The following ABCC4 variants were observed in gnomAD, a reference collection of about 807,000 sequenced individuals.
The protein encoded by ABCC4 is ATP-binding cassette sub-family C member 4.
In ABCC4, 102 loss-of-function variants were observed where a neutral mutation model predicts 168.5. That is an observed-to-expected ratio of 0.61 (90% confidence interval 0.52 to 0.71). The LOEUF is 0.71. Among genes scored for constraint, ABCC4 ranks in the 30% least tolerant of loss-of-function variants. ABCC4 has a pLI of 0.00. For missense variants in ABCC4, 1,402 were observed against 1,605.8 expected, an observed-to-expected ratio of 0.87 and a Z score of 2.17; for synonymous variants, 617 against 590.7, an observed-to-expected ratio of 1.04 and a Z score of -0.65.
intron 22 of ABCC4, chr13:95,075,025 T>C (rs529812445): frequency 2.1e-4 from 35 of 164,362 alleles, no homozygotes; most frequent in Middle Eastern, 3.3e-3. Flanking sequence ...TAAAGTTTTA[T>C]TGAAACATAG....
At chr13:95,211,375 G>A (rs2038952204) in intron 4 of ABCC4, among the ~76,000 whole-genome samples, 1 of 152,164 alleles carries the variant, frequency 6.6e-6, no homozygotes, top group Non-Finnish European at 1.5e-5. Flanking sequence ...TGATTCAACT[G>A]TGACCTGCAC....
intron 20 of ABCC4, among the ~76,000 whole-genome samples, chr13:95,108,998 A>G (rs893707474): frequency 2.0e-5 from 3 of 152,156 alleles, no homozygotes; most frequent in African/African-American, 7.2e-5. Context: ...TGAACACACT[A>G]GACCTATACT....
At chr13:95,192,424 C>T (rs747324546) in intron 9 of ABCC4, among the ~76,000 whole-genome samples, 3 of 152,176 alleles carry the variant, frequency 2.0e-5, no homozygotes, top group Non-Finnish European at 4.4e-5. Flanking sequence ...GTTTACAATG[C>T]AGCTGTCAAT....
At chr13:95,030,937 A>G (rs1358468157) in intron 30 of ABCC4, among the ~76,000 whole-genome samples, 1 of 152,252 alleles carries the variant, frequency 6.6e-6, no homozygotes, top group Non-Finnish European at 1.5e-5. Context: ...AGAGAGACTC[A>G]GCTTTGCCTG....
At chr13:95,058,581 A>AG in intron 26 of ABCC4, among the ~76,000 whole-genome samples, 4 of 58,410 alleles carry the variant, frequency 6.8e-5, no homozygotes, top group African/African-American at 1.7e-4. Flanking sequence ...AAAAAAAAAA[A>AG]AAAAAAAAAA....
At chr13:95,030,779 G>A (rs2031845175) in intron 30 of ABCC4, among the ~76,000 whole-genome samples, 1 of 152,186 alleles carries the variant, frequency 6.6e-6, no homozygotes, top group Non-Finnish European at 1.5e-5. Context: ...ATCTGCTGTG[G>A]GTTAAGCCAG....
intron 25 of ABCC4, among the ~76,000 whole-genome samples, chr13:95,065,327 C>T (rs879331108): frequency 9.2e-5 from 14 of 152,216 alleles, no homozygotes; most frequent in Admixed American, 2.0e-4. Context: ...CAAGTGAATT[C>T]GAAAAATAAA....
intron 19 of ABCC4, among the ~76,000 whole-genome samples, chr13:95,136,850 C>T (rs2036157875): frequency 6.6e-6 from 1 of 152,254 alleles, no homozygotes; most frequent in South Asian, 2.1e-4. Flanking sequence ...CCCAGGCGCA[C>T]ACGGCTCGCC....
intron 1 of ABCC4, among the ~76,000 whole-genome samples, chr13:95,291,721 T>C (rs2041409709): frequency 6.6e-6 from 1 of 152,110 alleles, no homozygotes; most frequent in Admixed American, 6.6e-5. Flanking sequence ...GTATCACTGA[T>C]GATGCCCAAA....
intron 30 of ABCC4, among the ~76,000 whole-genome samples, chr13:95,033,723 C>T (rs1269951620): frequency 6.7e-6 from 1 of 148,628 alleles, no homozygotes; most frequent in African/African-American, 2.5e-5. Flanking sequence ...AGTGCAGTGG[C>T]GTGATCTTGG....
chr13:95,265,988 G>A (rs1442471784), intron 1 of ABCC4: 1 of 152,170 alleles, frequency 6.6e-6, no homozygotes, highest in Admixed American at 6.6e-5. Context: ...GTGTGTGCCA[G>A]GCACTGGTTC....
At chr13:95,252,156 G>A (rs1440200819) in intron 1 of ABCC4, among the ~76,000 whole-genome samples, 1 of 152,076 alleles carries the variant, frequency 6.6e-6, no homozygotes, top group East Asian at 1.9e-4. Context: ...ATTTGGATAT[G>A]CCAAGGAGAA....
chr13:95,235,109 C>G (rs1282628668), intron 3 of ABCC4, among the ~76,000 whole-genome samples: 1 of 151,516 alleles, frequency 6.6e-6, no homozygotes, highest in Non-Finnish European at 1.5e-5. Context: ...CAGGCTGGTC[C>G]CGAACTCCTA....
At chr13:95,254,511 T>A (rs968930191) in intron 1 of ABCC4, among the ~76,000 whole-genome samples, 2 of 152,084 alleles carry the variant, frequency 1.3e-5, no homozygotes, top group African/African-American at 2.4e-5. Context: ...CACCTTTTCA[T>A]CCCACAAAAA....
chr13:95,080,233 G>T (rs2034044544), intron 21 of ABCC4, among the ~76,000 whole-genome samples: 1 of 152,162 alleles, frequency 6.6e-6, no homozygotes, highest in Admixed American at 6.5e-5. Context: ...ACAGAAATTG[G>T]ATACGGCTTC....
intron 17 of ABCC4, 91 bp downstream of exon 17, chr13:95,163,519 G>A: frequency 8.4e-7 from 1 of 1,196,758 alleles, no homozygotes; most frequent in Non-Finnish European, 1.2e-6. Flanking sequence ...AGAAGAGAAG[G>A]ATCAACAAAC....
chr13:95,151,578 G>A lies in ABCC4; in HGVS notation c.2455+9611C>T, dbSNP rs149948567. On this transcript the variant is annotated intron_variant, in intron 19 of 30. Transcript: ENST00000645237. ...GGAGGAGGAGAAGGAGAAGAAGGAG[G>A]AGGAGAAGGAGAAGAAGGAGGAGGA... 7.7e-3 allele frequency among the ~76,000 whole-genome samples: 1,133 copies of A among 146,372 alleles called. 25 individuals carry two copies. The highest frequency in any genetic ancestry group is 0.027 in the African/African-American group (1,040 of 38,800).
chr13:95,282,254 A>C (rs1185127656), intron 1 of ABCC4, among the ~76,000 whole-genome samples: 4 of 152,182 alleles, frequency 2.6e-5, no homozygotes, highest in Non-Finnish European at 5.9e-5. Context: ...TATGGGTGAT[A>C]AAGGAGCAGG....
In ABCC4 at chr13:95,130,509, G is replaced by A. The variant is rs182822829; in HGVS notation, c.2456-14508C>T. On this transcript the variant is annotated intron_variant, in intron 19 of 30. Coordinates refer to ENST00000645237, the MANE Select transcript of ABCC4 (RefSeq NM_005845.5). ...TTTTGAGGGGAGAAAAAGTCACACTGAGTCTGACATAAACATACCGTGGCA... is the reference window on the plus strand; with the variant it reads ...TTTTGAGGGGAGAAAAAGTCACACTAAGTCTGACATAAACATACCGTGGCA... 2.6e-5 allele frequency among the ~76,000 whole-genome samples: 4 copies of A among 152,288 alleles called. No homozygotes were observed. In the East Asian group the frequency reaches 7.7e-4, roughly 29 times the overall value.
Sources: allele counts gnomAD v4.1 joint callset (sites outside exome capture counted in the v4.1 genomes callset), GRCh38; gene constraint gnomAD v4.1.1; transcripts MANE v1.5; gene names NCBI Gene and HGNC (gene_info 2026-07-23, HGNC 2026-07-21).